MAPKAP1: variants seen among roughly 807,000 people sequenced by gnomAD.
MAPKAP1 encodes the protein MAPK associated protein 1, also known as target of rapamycin complex 2 subunit MAPKAP1.
A neutral mutation model predicts 65.7 loss-of-function variants in MAPKAP1; 20 were observed. The observed-to-expected ratio is 0.30, with a 90% CI of 0.21 to 0.44. The LOEUF (loss-of-function observed/expected upper bound fraction) is 0.44, where lower values mean the gene tolerates loss of function less well. Among genes scored for constraint, MAPKAP1 ranks in the 20% least tolerant of loss-of-function variants. The probability of loss-of-function intolerance (pLI) is 1.00; values close to 1 mark genes in which losing one functional copy is unlikely to be tolerated. For synonymous variants in MAPKAP1, 222 were observed against 244.3 expected (o/e 0.91, Z 0.85); for missense variants, 423 against 648.0 (o/e 0.65, Z 3.77).
chr9:125,438,835 C>T lies in MAPKAP1; in HGVS notation c.*52G>A. 2 of 1,610,924 alleles carry T rather than the reference C, an allele frequency of 1.2e-6. No individual in the cohort carries two copies. Among genetic ancestry groups the T allele is most frequent in the South Asian group, 2.2e-5 (2 of 90,616 alleles). ...ACCGGGTGGACTCTAGGGCACTTGG[C>T]CCTGGCAGGCAGGCTCTGAGCTACG... On this transcript the variant is annotated 3_prime_UTR_variant, in exon 12 of 12. Coordinates refer to ENST00000265960, the MANE Select transcript of MAPKAP1 (RefSeq NM_001006617.3).
chr9:125,454,191 G>A (rs1853071481), intron 10 of MAPKAP1, among the ~76,000 whole-genome samples: 1 of 152,212 alleles, frequency 6.6e-6, no homozygotes, highest in Non-Finnish European at 1.5e-5. Flanking sequence ...TGGCTTATGA[G>A]GGCCTTTTGA....
chr9:125,518,288 C>G (rs1467106772), intron 7 of MAPKAP1, among the ~76,000 whole-genome samples: 3 of 152,122 alleles, frequency 2.0e-5, no homozygotes, highest in Admixed American at 6.6e-5. Context: ...TAAGAATAAG[C>G]TAAGTTGGTT....
In MAPKAP1 at chr9:125,501,373, G is replaced by A. The variant is rs150823983; in HGVS notation, c.1066+4937C>T. On this transcript the variant is annotated intron_variant, in intron 8 of 11. Coordinates refer to ENST00000265960, the MANE Select transcript of MAPKAP1 (RefSeq NM_001006617.3). Reference sequence around the variant, plus strand: ...GCACTGCTAGAATAAACCCAACTTCGTAATGTTATATTGTTCTTTCAACAT... The same window carrying A: ...GCACTGCTAGAATAAACCCAACTTCATAATGTTATATTGTTCTTTCAACAT... Among the ~76,000 whole-genome samples, 510 of 152,164 alleles carry A rather than the reference G, an allele frequency of 3.4e-3. 10 individuals carry two copies. The highest frequency in any genetic ancestry group is 7.7e-4 in the East Asian group (4 of 5,192).
intron 4 of MAPKAP1, among the ~76,000 whole-genome samples, chr9:125,601,380 C>T (rs1310822367): frequency 6.6e-6 from 1 of 152,076 alleles, no homozygotes; most frequent in Non-Finnish European, 1.5e-5. Flanking sequence ...TTTTAAACGT[C>T]ACTATTCACA....
At chr9:125,647,631 G>C (rs189442282) in intron 4 of MAPKAP1, among the ~76,000 whole-genome samples, 1 of 152,184 alleles carries the variant, frequency 6.6e-6, no homozygotes. Context: ...CACTGGGCAC[G>C]ATCATTCATG....
chr9:125,623,066 G>A (rs935070893), intron 4 of MAPKAP1, among the ~76,000 whole-genome samples: 2 of 151,026 alleles, frequency 1.3e-5, no homozygotes, highest in Admixed American at 6.6e-5. Flanking sequence ...CCGAGGTGCC[G>A]GGATTGCAGA....
intron 7 of MAPKAP1, among the ~76,000 whole-genome samples, chr9:125,533,066 T>C (rs1829977384): frequency 6.6e-6 from 1 of 152,130 alleles, no homozygotes; most frequent in Non-Finnish European, 1.5e-5. Context: ...GCGTGATCCA[T>C]TTCTCTACAT....
chr9:125,666,458 T>C (rs946361220), intron 3 of MAPKAP1, among the ~76,000 whole-genome samples: 14 of 151,952 alleles, frequency 9.2e-5, no homozygotes, highest in African/African-American at 3.4e-4. Context: ...AAAACAAAGA[T>C]AAGAAAAACA....
In MAPKAP1 at chr9:125,457,016, TCTCA is replaced by T. The variant is rs1229966524; in HGVS notation, c.1345+10952_1345+10955del. 2.0e-5 allele frequency among the ~76,000 whole-genome samples: 3 copies of T among 147,742 alleles called. No individual in the cohort carries two copies. The East Asian group carries it at 6.0e-4, about 29-fold the overall frequency. ...TTTTTTTTTTTTTTTTGAGACAGAG[TCTCA>T]CTCTGCTGTCCAGGCTGGAGTACAG... is the stretch of plus-strand genomic sequence containing the variant. On this transcript the variant is annotated intron_variant, in intron 10 of 11. Coordinates refer to ENST00000265960, the MANE Select transcript of MAPKAP1 (RefSeq NM_001006617.3).
At chr9:125,459,757 T>C (rs1239983704) in intron 10 of MAPKAP1, among the ~76,000 whole-genome samples, 2 of 151,374 alleles carry the variant, frequency 1.3e-5, no homozygotes, top group Non-Finnish European at 2.9e-5. Flanking sequence ...TGAGCCGAGA[T>C]GGCAGCAGTA....
chr9:125,706,330 A>T (rs1835757507), intron 1 of MAPKAP1, among the ~76,000 whole-genome samples: 1 of 152,024 alleles, frequency 6.6e-6, no homozygotes, highest in Non-Finnish European at 1.5e-5. Flanking sequence ...TTATAACAAC[A>T]TGGTGCTTTG....
intron 5 of MAPKAP1, among the ~76,000 whole-genome samples, chr9:125,560,483 CTGAGGT>C (rs1186642853): frequency 2.0e-5 from 3 of 152,084 alleles, no homozygotes; most frequent in African/African-American, 4.8e-5. Flanking sequence ...ACTCAGGAGG[CTGAGGT>C]GAGAGGATCA....
At chr9:125,591,214 G>T (rs139351401) in intron 4 of MAPKAP1, among the ~76,000 whole-genome samples, 2 of 152,242 alleles carry the variant, frequency 1.3e-5, no homozygotes, top group African/African-American at 4.8e-5. Context: ...AAACACCAAC[G>T]CCTTCTTTCC....
chr9:125,508,383 AG>A (rs1434207184), intron 7 of MAPKAP1, among the ~76,000 whole-genome samples: 1 of 152,196 alleles, frequency 6.6e-6, no homozygotes, highest in Non-Finnish European at 1.5e-5. Context: ...AGTCTAGCAG[AG>A]GAAAGGGAGT....
intron 1 of MAPKAP1, among the ~76,000 whole-genome samples, chr9:125,681,140 T>TA (rs1476937916): frequency 1.3e-5 from 2 of 152,202 alleles, no homozygotes; most frequent in Admixed American, 6.5e-5. Context: ...ACAAGGTAGA[T>TA]TTTTTAAGAC....
chr9:125,459,756 A>T (rs1206282366), intron 10 of MAPKAP1, among the ~76,000 whole-genome samples: 2 of 151,672 alleles, frequency 1.3e-5, no homozygotes, highest in Non-Finnish European at 2.9e-5. Flanking sequence ...GTGAGCCGAG[A>T]TGGCAGCAGT....
chr9:125,674,447 A>T (rs575924276), intron 1 of MAPKAP1, among the ~76,000 whole-genome samples: 1 of 152,222 alleles, frequency 6.6e-6, no homozygotes, highest in Non-Finnish European at 1.5e-5. Flanking sequence ...AAAATTGTTG[A>T]GAAGTACAAG....
intron 4 of MAPKAP1, among the ~76,000 whole-genome samples, chr9:125,638,705 G>A (rs1833493131): frequency 1.3e-5 from 2 of 152,322 alleles, no homozygotes; most frequent in African/African-American, 4.8e-5. Context: ...AACAGGGCCT[G>A]CACCCTTTAA....
chr9:125,506,416 G>C lies in MAPKAP1; in HGVS notation c.960C>G (p.Gly320=), dbSNP rs544135484. 5.4e-5 allele frequency: 87 copies of C among 1,613,842 alleles called. No individual in the cohort carries two copies. The South Asian group carries it at 9.3e-4, about 17-fold the overall frequency. ...TCTGCTTCTCCAGGCGGTACTGAGG[G>C]CCTGGAAGATCAAAGGGGCAGGAGG... ...KRRKGSQKVS[G]PQYRLEKQSE... The change falls in exon 8 of 12, where the codon GGC becomes GGG. Residue 320 remains glycine, a splice_region_variant and synonymous_variant. Transcript: ENST00000265960.
Sources: allele counts gnomAD v4.1 joint callset (sites outside exome capture counted in the v4.1 genomes callset), GRCh38; gene constraint gnomAD v4.1.1; transcripts MANE v1.5; gene names NCBI Gene and HGNC (gene_info 2026-07-23, HGNC 2026-07-21).